Variants in CNTNAP5 observed in about 807,000 individuals in gnomAD.
CNTNAP5 encodes contactin associated protein family member 5, also known as contactin-associated protein-like 5.
Under a neutral mutation model 150.2 loss-of-function variants are expected in CNTNAP5, and 72 were observed. That is an observed-to-expected ratio of 0.48 (90% CI 0.40 to 0.58). The LOEUF (loss-of-function observed/expected upper bound fraction) is 0.58. Among genes scored for constraint, CNTNAP5 ranks in the 20% least tolerant of loss-of-function variants. CNTNAP5 has a pLI of 0.00. For synonymous variants in CNTNAP5, 672 were observed against 619.8 expected (o/e 1.08, Z -1.25); for missense variants, 1,636 against 1,626.2 (o/e 1.01, Z -0.10).
At chr2:124,588,185 T>C (rs56195765) in intron 11 of CNTNAP5, among the ~76,000 whole-genome samples, 8,404 of 60,358 alleles carry the variant, frequency 0.14, 327 homozygotes, top group African/African-American at 0.21. Context: ...TCCTTCTTTC[T>C]TTCTTTCTTT....
chr2:124,530,425 CT>C (rs1397310861), intron 10 of CNTNAP5, among the ~76,000 whole-genome samples: 1 of 152,162 alleles, frequency 6.6e-6, no homozygotes, highest in Non-Finnish European at 1.5e-5. Context: ...AAGCAACTTC[CT>C]TTTGAGGTGG....
intron 13 of CNTNAP5, among the ~76,000 whole-genome samples, chr2:124,722,305 A>T (rs1680065992): frequency 6.6e-6 from 1 of 152,082 alleles, no homozygotes; most frequent in Admixed American, 6.6e-5. Context: ...TATCATTTAA[A>T]CTAAGTGTGA....
chr2:124,393,637 T>C (rs1313903551), intron 3 of CNTNAP5, among the ~76,000 whole-genome samples: 1 of 152,322 alleles, frequency 6.6e-6, no homozygotes, highest in Non-Finnish European at 1.5e-5. Flanking sequence ...TTCACTCAGC[T>C]GTCCTCACAG....
intron 11 of CNTNAP5, among the ~76,000 whole-genome samples, chr2:124,605,809 C>CAAAAAAAAAAAAAA (rs36090348): frequency 2.9e-5 from 1 of 34,428 alleles, no homozygotes; most frequent in African/African-American, 1.4e-4. Context: ...AAGACTCTGT[C>CAAAAAAAAAAAAAA]AAAAAAAAAA....
At chr2:124,619,690 G>A (rs900412497) in intron 12 of CNTNAP5, among the ~76,000 whole-genome samples, 5 of 151,718 alleles carry the variant, frequency 3.3e-5, no homozygotes, top group Non-Finnish European at 5.9e-5. Flanking sequence ...TCTCCCAAAT[G>A]AGGAGGAATT....
At chr2:124,299,975 T>C (rs777092344) in intron 3 of CNTNAP5, among the ~76,000 whole-genome samples, 25 of 152,226 alleles carry the variant, frequency 1.6e-4, no homozygotes, top group Non-Finnish European at 2.9e-4. Flanking sequence ...ACTAGTCTGA[T>C]GGCTCCAATC....
At chr2:124,779,249 C>T (rs1487115589) in intron 17 of CNTNAP5, among the ~76,000 whole-genome samples, 5 of 152,242 alleles carry the variant, frequency 3.3e-5, no homozygotes, top group African/African-American at 9.6e-5. Context: ...AAAGGCACAA[C>T]TGTTGGGCCC....
At chr2:124,492,358 T>C (rs1694051446) in intron 7 of CNTNAP5, among the ~76,000 whole-genome samples, 1 of 152,226 alleles carries the variant, frequency 6.6e-6, no homozygotes. Context: ...TCAACACCAC[T>C]GGTTGAAGAG....
intron 3 of CNTNAP5, among the ~76,000 whole-genome samples, chr2:124,342,647 TACTC>T (rs1689646134): frequency 6.6e-6 from 1 of 152,074 alleles, no homozygotes; most frequent in Non-Finnish European, 1.5e-5. Flanking sequence ...AAAATGAGAA[TACTC>T]AGGAATAATT....
chr2:124,472,216 A>G (rs1693534242), intron 6 of CNTNAP5, among the ~76,000 whole-genome samples: 1 of 152,092 alleles, frequency 6.6e-6, no homozygotes, highest in African/African-American at 2.4e-5. Context: ...CAGTAGATCA[A>G]ACAAAATACT....
intron 4 of CNTNAP5, among the ~76,000 whole-genome samples, chr2:124,429,646 G>T (rs1422034448): frequency 1.3e-5 from 2 of 152,156 alleles, no homozygotes; most frequent in Non-Finnish European, 2.9e-5. Context: ...AGGTACTGGT[G>T]GTGGTCGGAG....
At chr2:124,057,882 CATT>C (rs1681898600) in intron 1 of CNTNAP5, among the ~76,000 whole-genome samples, 1 of 152,022 alleles carries the variant, frequency 6.6e-6, no homozygotes, top group Non-Finnish European at 1.5e-5. Flanking sequence ...CCCATTACCC[CATT>C]CACCCTGCTG....
intron 1 of CNTNAP5, among the ~76,000 whole-genome samples, chr2:124,037,090 G>C (rs1174296691): frequency 1.3e-5 from 2 of 152,286 alleles, no homozygotes; most frequent in Non-Finnish European, 2.9e-5. Context: ...CTTGCAGAAG[G>C]CTCCTTCCCC....
At chr2:124,668,966 T>C (rs1326303528) in intron 13 of CNTNAP5, among the ~76,000 whole-genome samples, 1 of 152,196 alleles carries the variant, frequency 6.6e-6, no homozygotes, top group African/African-American at 2.4e-5. Context: ...TCTTCCCACT[T>C]CCAGAGGTGC....
At chr2:124,111,987 T>G (rs1040242956) in intron 1 of CNTNAP5, among the ~76,000 whole-genome samples, 1 of 152,224 alleles carries the variant, frequency 6.6e-6, no homozygotes, top group African/African-American at 2.4e-5. Flanking sequence ...TGTCCCTAGC[T>G]AGCCATGGGA....
At chr2:124,676,243 C>T (rs576025466) in intron 13 of CNTNAP5, among the ~76,000 whole-genome samples, 3 of 152,178 alleles carry the variant, frequency 2.0e-5, no homozygotes, top group Non-Finnish European at 4.4e-5. Flanking sequence ...TCCTCCTTAG[C>T]TTTCACATCC....
intron 3 of CNTNAP5, among the ~76,000 whole-genome samples, chr2:124,404,106 A>C (rs1474728942): frequency 6.6e-6 from 1 of 152,160 alleles, no homozygotes; most frequent in Non-Finnish European, 1.5e-5. Flanking sequence ...ATTAGCACCC[A>C]AAGTTCATCT....
chr2:124,049,838 G>A (rs1013782524), intron 1 of CNTNAP5, among the ~76,000 whole-genome samples: 3 of 152,132 alleles, frequency 2.0e-5, no homozygotes, highest in Non-Finnish European at 2.9e-5. Flanking sequence ...TCTGAGTCAG[G>A]CAGATTCAAT....
chr2:124,350,965 T>A (rs1689864132), intron 3 of CNTNAP5, among the ~76,000 whole-genome samples: 1 of 143,658 alleles, frequency 7.0e-6, no homozygotes, highest in Admixed American at 6.9e-5. Flanking sequence ...TCATTAGAAA[T>A]GTTTCCCTTT....
Sources: allele counts gnomAD v4.1 joint callset (sites outside exome capture counted in the v4.1 genomes callset), GRCh38; gene constraint gnomAD v4.1.1; transcripts MANE v1.5; gene names NCBI Gene and HGNC (gene_info 2026-07-23, HGNC 2026-07-21).